Variants in GREB1L observed in about 807,000 individuals in gnomAD.
The protein encoded by GREB1L is GREB1 like retinoic acid receptor coactivator.
A neutral mutation model predicts 200.8 loss-of-function variants in GREB1L; 17 were observed. The observed-to-expected ratio is 0.08, with a 90% CI of 0.06 to 0.13. GREB1L has a LOEUF of 0.13. Ranked by LOEUF, GREB1L falls within the 10% of genes least tolerant of loss-of-function variation. GREB1L has a pLI of 1.00. For missense variants in GREB1L, 1,657 were observed against 2,367.7 expected, an observed-to-expected ratio of 0.70 and a Z score of 6.23; for synonymous variants, 789 against 893.0, an observed-to-expected ratio of 0.88 and a Z score of 2.08.
At chr18:21,275,285 G>C (rs2038143617) in intron 1 of GREB1L, among the ~76,000 whole-genome samples, 1 of 152,032 alleles carries the variant, frequency 6.6e-6, no homozygotes, top group Non-Finnish European at 1.5e-5. Context: ...AAGGGAAGGA[G>C]AGAAACTAAA....
Position 21,490,256 on chromosome 18 carries a change from C to T in GREB1L, c.2935C>T (p.Arg979Cys). The change falls in exon 19 of 33, where the codon CGC (arginine) becomes TGC (cysteine). Residue 979 changes from arginine to cysteine, a missense_variant. Coordinates refer to ENST00000424526, the MANE Select transcript of GREB1L (RefSeq NM_001142966.3). ...MLAKERLQEV[R>C]DKLGLQYRFE... ...AGCCAAGGAGCGGCTACAGGAGGTGCGCGACAAACTGGGTCTGCAGTATCG... is the reference window on the plus strand; with the variant it reads ...AGCCAAGGAGCGGCTACAGGAGGTGTGCGACAAACTGGGTCTGCAGTATCG... 1 of 1,551,702 alleles carries T rather than the reference C, an allele frequency of 6.4e-7. No homozygotes were observed. Among genetic ancestry groups the T allele is most frequent in the Non-Finnish European group, 8.7e-7 (1 of 1,147,010 alleles).
In GREB1L at chr18:21,454,443, A is replaced by T; in HGVS notation, c.2062A>T (p.Ile688Leu). The T allele has an allele frequency of 1.9e-6, 3 of 1,551,754 alleles. No homozygotes were observed. The highest frequency in any genetic ancestry group is 1.7e-6 in the Non-Finnish European group (2 of 1,146,882). ...AAAACTCTTATCCCAGGTGTGTGCT[A>T]TAGCGGACAGTGGCAGCCAGAGCCT... Reference protein sequence around the residue: ...ARKLLSQVCAIADSGSQSLDL... With the variant: ...ARKLLSQVCALADSGSQSLDL... The change falls in exon 15 of 33, where the codon ATA becomes TTA. Residue 688 changes from isoleucine (I) to leucine (L), a missense_variant. Transcript: ENST00000424526.
chr18:21,495,707 G>A lies in GREB1L; in HGVS notation c.3068G>A (p.Arg1023Gln), dbSNP rs569511249. ...AATGAACCAGAAGAGTGGATCCCTC[G>A]GACATACCAAGATTTAGACGGTCTA... ...RGNEPEEWIP[R>Q]TYQDLDGLPC... The change falls in exon 20 of 33, where the codon CGG (arginine) becomes CAG (glutamine). Residue 1023 changes from arginine to glutamine, a missense_variant. Arg to Gln is a conservative substitution (Grantham distance 43, BLOSUM62 1). Around this residue, in one of 9 missense-constraint regions of GREB1L, gnomAD observed 512 missense variants for 668.3 expected, o/e 0.77. Coordinates refer to ENST00000424526, the MANE Select transcript of GREB1L (RefSeq NM_001142966.3). The A allele has an allele frequency of 3.5e-5, 54 of 1,544,752 alleles. No homozygotes were observed. The highest frequency in any genetic ancestry group is 4.9e-5 in the East Asian group (2 of 40,818).
chr18:21,250,086 GA>G (rs1302648755), intron 1 of GREB1L, among the ~76,000 whole-genome samples: 1 of 152,180 alleles, frequency 6.6e-6, no homozygotes, highest in Non-Finnish European at 1.5e-5. Context: ...TGAGCCACTG[GA>G]AAGGTTAGGG....
chr18:21,449,900 A>C, intron 12 of GREB1L, 64 bp downstream of exon 12: 2 of 1,236,804 alleles, frequency 1.6e-6, no homozygotes. Flanking sequence ...CCATTTAAAA[A>C]TGTGTGTTAT....
At chr18:21,360,128 T>C (rs1405794736) in intron 1 of GREB1L, among the ~76,000 whole-genome samples, 2 of 152,258 alleles carry the variant, frequency 1.3e-5, no homozygotes, top group Non-Finnish European at 2.9e-5. Context: ...TTGACAGTTA[T>C]ATTTCTTGTA....
chr18:21,449,664 C>T lies in GREB1L; in HGVS notation c.1548C>T (p.Ser516=), dbSNP rs531502857. ...CCTGGCTTGCTAGATTAATTGCCAGCGTATCTCAAGACTTGGTTCATGTGG... is the reference window on the plus strand; with the variant it reads ...CCTGGCTTGCTAGATTAATTGCCAGTGTATCTCAAGACTTGGTTCATGTGG... ...QLPWLARLIA[S]VSQDLVHVVV... is the part of the protein sequence containing the mutation. The change falls in exon 12 of 33, where the codon AGC becomes AGT. Residue 516 remains serine, a synonymous_variant. Transcript: ENST00000424526. 471 of 1,551,660 alleles carry T rather than the reference C, an allele frequency of 3.0e-4. No individual in the cohort carries two copies. Among genetic ancestry groups the T allele is most frequent in the Non-Finnish European group, 3.6e-4 (413 of 1,146,988 alleles).
At chr18:21,317,219 A>G in intron 1 of GREB1L, among the ~76,000 whole-genome samples, 1 of 151,058 alleles carries the variant, frequency 6.6e-6, no homozygotes, top group East Asian at 2.0e-4. Flanking sequence ...AAAATCAATC[A>G]ATGGATTAAT....
chr18:21,432,707 T>TTC (rs1340729529), intron 7 of GREB1L, among the ~76,000 whole-genome samples: 3 of 136,828 alleles, frequency 2.2e-5, no homozygotes, highest in Non-Finnish European at 4.8e-5. Flanking sequence ...TTTTTTTTCT[T>TTC]TTTTTTTTTT....
rs563547192 is a variant in GREB1L at position 21,399,808 on chromosome 18, T to C, written c.533-1342T>C. The stretch of plus-strand genomic sequence containing the variant: ...AGCATATAGGTAGATGCTCAATAAA[T>C]AGTTGTTGATTGAATCATAACAAAT... On this transcript the variant is annotated intron_variant, in intron 5 of 32. Transcript: ENST00000424526. 4.2e-4 allele frequency among the ~76,000 whole-genome samples: 64 copies of C among 152,310 alleles called. 1 individual carries two copies. The South Asian group carries it at 0.01, about 25-fold the overall frequency.
intron 21 of GREB1L, among the ~76,000 whole-genome samples, chr18:21,497,821 CTT>C (rs1555659431): frequency 6.2e-5 from 5 of 80,988 alleles, no homozygotes; most frequent in South Asian, 5.9e-4. Context: ...ACCCCCCCCC[CTT>C]TTTTTTTTTT....
rs957131024 is a variant in GREB1L, at chr18:21,496,679, C to T, written c.3372C>T (p.Ser1124=). 2.4e-5 allele frequency: 38 copies of T among 1,551,388 alleles called. No individual in the cohort carries two copies. The highest frequency in any genetic ancestry group is 1.7e-4 in the Middle Eastern group (1 of 5,884). The change falls in exon 21 of 33, where the codon AGC becomes AGT. Residue 1124 remains serine, a synonymous_variant. Transcript: ENST00000424526. The part of the protein sequence containing the change: ...IDLERPQSNS[S]AVTGTSGSIM... The stretch of plus-strand genomic sequence containing the variant: ...TGGAGCGGCCCCAGAGCAACAGCAG[C>T]GCTGTCACAGGGACCTCGGGTCAGT...
Position 21,496,911 on chromosome 18 carries a change from G to A in GREB1L, c.3391+213G>A, listed in dbSNP as rs73425767. The stretch of plus-strand genomic sequence containing the variant: ...AATACTTTCCTGGGTAAACATTTAA[G>A]GAAGAGCTTGGTAATAGGCTAAAAA... On this transcript the variant is annotated intron_variant, in intron 21 of 32. Transcript: ENST00000424526. Among the ~76,000 whole-genome samples the A allele has an allele frequency of 7.9e-3, 1,210 of 152,290 alleles. 19 individuals carry two copies. Among genetic ancestry groups the A allele is most frequent in the African/African-American group, 0.028 (1,165 of 41,544 alleles).
rs144338831 is a variant in GREB1L, at chr18:21,461,226, G to C, written c.2182+6663G>C. Reference sequence around the variant, plus strand: ...AGCTGGCCCTGCTCTGTTTCAGCCTGACCCACACGCCTCACCCCAGATAGA... The same window carrying C: ...AGCTGGCCCTGCTCTGTTTCAGCCTCACCCACACGCCTCACCCCAGATAGA... On this transcript the variant is annotated intron_variant, in intron 15 of 32. Transcript: ENST00000424526. 1.3e-3 allele frequency among the ~76,000 whole-genome samples: 201 copies of C among 152,118 alleles called. 1 individual carries two copies. The highest frequency in any genetic ancestry group is 8.1e-3 in the East Asian group (42 of 5,172).
intron 29 of GREB1L, 85 bp downstream of exon 29, chr18:21,515,729 G>A (rs535617307): frequency 4.4e-5 from 43 of 968,594 alleles, no homozygotes; most frequent in East Asian, 4.2e-4. Flanking sequence ...GCTTTTATTC[G>A]TATGTCTTCA....
rs2036514608 is a variant in GREB1L at position 21,495,592 on chromosome 18, T to G, written c.3031-78T>G. ...ATTTGAAAGCACAGTGTGTCTAAAA[T>G]CTGGACTCAGAAGCCTGTAAAAAAG... is the stretch of plus-strand genomic sequence containing the variant. On this transcript the variant is annotated intron_variant, in intron 19 of 32. Transcript: ENST00000424526. The G allele has an allele frequency of 9.3e-6, 7 of 753,358 alleles. No individual in the cohort carries two copies. In the South Asian group the frequency reaches 1.1e-4, roughly 12 times the overall value. 46.7% of individuals were successfully genotyped at this position (753,358 alleles called of 1,614,324 possible).
intron 7 of GREB1L, among the ~76,000 whole-genome samples, chr18:21,427,355 A>G (rs1459756686): frequency 3.3e-5 from 5 of 152,042 alleles, no homozygotes; most frequent in Admixed American, 2.6e-4. Context: ...AATACAAAAA[A>G]TTAGCCGGGC....
chr18:21,408,264 C>A (rs1228795750), intron 7 of GREB1L, among the ~76,000 whole-genome samples: 1 of 152,000 alleles, frequency 6.6e-6, no homozygotes. Flanking sequence ...AATGAAAAGA[C>A]ACCATCAAGA....
chr18:21,454,977 G>A (rs1453957892), intron 15 of GREB1L: 1 of 201,992 alleles, frequency 5.0e-6, no homozygotes, highest in East Asian at 1.4e-4. Context: ...AGCACGTCTG[G>A]GACCTGGAAA....
Sources: allele counts gnomAD v4.1 joint callset (sites outside exome capture counted in the v4.1 genomes callset), GRCh38; gene constraint gnomAD v4.1.1; regional missense constraint gnomAD v4.1.1; transcripts MANE v1.5; gene names NCBI Gene and HGNC (gene_info 2026-07-23, HGNC 2026-07-21).